ERBB4: variants seen among roughly 807,000 people sequenced by gnomAD.
ERBB4 encodes erb-b2 receptor tyrosine kinase 4.
A neutral mutation model predicts 158.0 loss-of-function variants in ERBB4; 42 were observed. That is an observed-to-expected ratio of 0.27 (90% CI 0.21 to 0.34). The LOEUF is 0.34. Among genes scored for constraint, ERBB4 ranks in the 10% least tolerant of loss-of-function variants. ERBB4 has a pLI of 1.00. For missense variants in ERBB4, 1,333 were observed against 1,624.1 expected, an observed-to-expected ratio of 0.82 and a Z score of 3.08; for synonymous variants, 583 against 558.7, an observed-to-expected ratio of 1.04 and a Z score of -0.61.
intron 3 of ERBB4, among the ~76,000 whole-genome samples, chr2:211,801,568 T>C (rs1459066619): frequency 1.3e-5 from 2 of 152,082 alleles, no homozygotes; most frequent in East Asian, 1.9e-4. Context: ...ATATAATATA[T>C]TGTACACAGA....
intron 1 of ERBB4, among the ~76,000 whole-genome samples, chr2:212,446,577 C>CTATATATATATATATA (rs2092351589): frequency 8.3e-5 from 3 of 36,036 alleles, no homozygotes; most frequent in Non-Finnish European, 1.9e-4. Context: ...TAATAAACTC[C>CTATATATATATATATA]CATATATATA....
chr2:212,440,516 G>A (rs962359300), intron 1 of ERBB4, among the ~76,000 whole-genome samples: 3 of 152,126 alleles, frequency 2.0e-5, no homozygotes, highest in African/African-American at 7.2e-5. Context: ...TATCCTATTA[G>A]TTCTATCCCT....
At chr2:211,940,734 G>A (rs2080471039) in intron 3 of ERBB4, among the ~76,000 whole-genome samples, 1 of 152,062 alleles carries the variant, frequency 6.6e-6, no homozygotes, top group South Asian at 2.1e-4. Context: ...GAGGAGAAAG[G>A]ATGATTCTAT....
chr2:211,841,533 G>C (rs13024750), intron 3 of ERBB4, among the ~76,000 whole-genome samples: 32,550 of 151,752 alleles, frequency 0.21, 3,636 homozygotes, highest in South Asian at 0.33. Context: ...GTGGCATTAA[G>C]GTAAGGTATA....
At chr2:211,471,949 C>G (rs1412301509) in intron 20 of ERBB4, among the ~76,000 whole-genome samples, 1 of 152,050 alleles carries the variant, frequency 6.6e-6, no homozygotes, top group African/African-American at 2.4e-5. Context: ...GAAGACCAGC[C>G]TGAGCAACAG....
At chr2:211,944,189 A>ATG in intron 3 of ERBB4, among the ~76,000 whole-genome samples, 1 of 51,726 alleles carries the variant, frequency 1.9e-5, no homozygotes, top group Non-Finnish European at 3.8e-5. Flanking sequence ...ATATATATAT[A>ATG]TATATATATA....
intron 2 of ERBB4, among the ~76,000 whole-genome samples, chr2:212,078,713 A>C (rs2078344172): frequency 6.6e-6 from 1 of 151,820 alleles, no homozygotes; most frequent in Admixed American, 6.6e-5. Flanking sequence ...CACCATTTGC[A>C]GTTAAGAGAC....
intron 3 of ERBB4, among the ~76,000 whole-genome samples, chr2:211,899,325 C>A (rs934667970): frequency 6.6e-6 from 1 of 152,076 alleles, no homozygotes; most frequent in African/African-American, 2.4e-5. Flanking sequence ...ATTTTCTCTA[C>A]GGCATTAGTA....
At chr2:211,974,164 G>A (rs1266593733) in intron 2 of ERBB4, among the ~76,000 whole-genome samples, 1 of 152,106 alleles carries the variant, frequency 6.6e-6, no homozygotes, top group Non-Finnish European at 1.5e-5. Context: ...GAAATAATCT[G>A]TACAACAAAC....
chr2:212,009,117 T>TTTCC (rs1178123078), intron 2 of ERBB4, among the ~76,000 whole-genome samples: 1 of 149,978 alleles, frequency 6.7e-6, no homozygotes, highest in Non-Finnish European at 1.5e-5. Flanking sequence ...TCATTAAAAC[T>TTTCC]TATTATAACT....
chr2:211,882,355 C>A (rs2078686744), intron 3 of ERBB4, among the ~76,000 whole-genome samples: 1 of 152,100 alleles, frequency 6.6e-6, no homozygotes, highest in Non-Finnish European at 1.5e-5. Flanking sequence ...TTTGATGGAG[C>A]TTATGCTGAG....
intron 1 of ERBB4, among the ~76,000 whole-genome samples, chr2:212,530,437 G>A (rs1263647513): frequency 6.6e-6 from 1 of 152,138 alleles, no homozygotes; most frequent in Admixed American, 6.5e-5. Flanking sequence ...AGCCTACAGA[G>A]AAGGACAGGA....
At chr2:211,816,085 C>G (rs970430670) in intron 3 of ERBB4, among the ~76,000 whole-genome samples, 1 of 152,144 alleles carries the variant, frequency 6.6e-6, no homozygotes. Flanking sequence ...TTGCAGATGG[C>G]CTGTTGTGAG....
chr2:212,160,780 TC>T (rs2081180155), intron 1 of ERBB4, among the ~76,000 whole-genome samples: 1 of 152,054 alleles, frequency 6.6e-6, no homozygotes. Flanking sequence ...AGCCTAAGGC[TC>T]CCTGACACCT....
intron 1 of ERBB4, among the ~76,000 whole-genome samples, chr2:212,529,418 T>C (rs898146427): frequency 2.6e-5 from 4 of 152,172 alleles, no homozygotes; most frequent in Non-Finnish European, 5.9e-5. Context: ...GGATGAATGA[T>C]AGCGTCTTAG....
Position 212,030,779 on chromosome 2 carries a change from C to G in ERBB4, c.235-83163G>C, listed in dbSNP as rs72937741. 5.1e-3 allele frequency among the ~76,000 whole-genome samples: 775 copies of G among 152,182 alleles called. 5 individuals are homozygous for G. The highest frequency in any genetic ancestry group is 8.2e-3 in the Non-Finnish European group (561 of 68,006). The stretch of plus-strand genomic sequence containing the variant: ...GACTATTCTTTGAGGAATGTTAATT[C>G]TCCAGCATTTCTGGCTGCCCCAATT... On this transcript the variant is annotated intron_variant, in intron 2 of 27. Coordinates refer to ENST00000342788, the MANE Select transcript of ERBB4 (RefSeq NM_005235.3).
intron 19 of ERBB4, among the ~76,000 whole-genome samples, chr2:211,582,754 A>G (rs1477113788): frequency 6.6e-6 from 1 of 152,166 alleles, no homozygotes; most frequent in Non-Finnish European, 1.5e-5. Context: ...ATGTCTATAC[A>G]TTAAAATTCA....
intron 1 of ERBB4, among the ~76,000 whole-genome samples, chr2:212,279,635 T>C (rs985288789): frequency 6.6e-6 from 1 of 151,668 alleles, no homozygotes; most frequent in Non-Finnish European, 1.5e-5. Flanking sequence ...AAGATAGCTT[T>C]TGCTTTTTTA....
At chr2:211,705,510 T>G in intron 9 of ERBB4, 119 bp from the exon 10 acceptor site, 2 of 731,614 alleles carry the variant, frequency 2.7e-6, no homozygotes, top group South Asian at 3.1e-5. Flanking sequence ...GTGTTATCAA[T>G]GCATGTTTAA....
Sources: allele counts gnomAD v4.1 joint callset (sites outside exome capture counted in the v4.1 genomes callset), GRCh38; gene constraint gnomAD v4.1.1; transcripts MANE v1.5; gene names NCBI Gene and HGNC (gene_info 2026-07-23, HGNC 2026-07-21).